The following OXR1 variants were observed in gnomAD, a reference collection of about 807,000 sequenced individuals.
The protein encoded by OXR1 is oxidation resistance 1.
Under a neutral mutation model 104.6 loss-of-function variants are expected in OXR1, and 41 were observed. The ratio of observed to expected loss-of-function variants is 0.39; its 90% CI spans 0.31 to 0.51. The LOEUF is 0.51. Ranked by LOEUF, OXR1 falls within the 20% of genes least tolerant of loss-of-function variation. The probability of loss-of-function intolerance (pLI) is 0.77; values close to 1 mark genes in which losing one functional copy is unlikely to be tolerated. For synonymous variants in OXR1, 348 were observed against 348.4 expected (o/e 1.00, Z 0.01); for missense variants, 955 against 1,031.9 (o/e 0.93, Z 1.02).
chr8:106,628,264 G>C (rs996624565), intron 3 of OXR1, among the ~76,000 whole-genome samples: 5 of 152,106 alleles, frequency 3.3e-5, no homozygotes, highest in Non-Finnish European at 7.4e-5. Flanking sequence ...AAAATATATA[G>C]AAATATTTCA....
chr8:106,478,911 A>T (rs1821951684), intron 2 of OXR1, among the ~76,000 whole-genome samples: 1 of 151,916 alleles, frequency 6.6e-6, no homozygotes, highest in Admixed American at 6.6e-5. Context: ...TTTGTTATAA[A>T]GTAGGAAATT....
At chr8:106,694,585 ATATATATTTGATATATAAATAT>A (rs1181920538) in intron 7 of OXR1, among the ~76,000 whole-genome samples, 17 of 73,990 alleles carry the variant, frequency 2.3e-4, no homozygotes, top group African/African-American at 9.7e-4. Flanking sequence ...ATAAATGTTT[ATATATATTTGATATATAAATAT>A]ATGTTTATAT....
In OXR1 at chr8:106,370,150, C is replaced by T. The variant is rs188834908; in HGVS notation, c.23+10514C>T. 4.0e-3 allele frequency among the ~76,000 whole-genome samples: 607 copies of T among 152,174 alleles called. 6 individuals are homozygous for T. Among genetic ancestry groups the T allele is most frequent in the African/African-American group, 0.013 (541 of 41,532 alleles). ...GCTGTGTTTCTAGGTATTTTATTCT[C>T]TTTGTAGTGATTGTGAATCGGAGTT... On this transcript the variant is annotated intron_variant, in intron 2 of 16. Transcript: ENST00000517566.
chr8:106,372,871 C>A (rs1214619930), intron 2 of OXR1, among the ~76,000 whole-genome samples: 1 of 152,176 alleles, frequency 6.6e-6, no homozygotes, highest in East Asian at 1.9e-4. Flanking sequence ...AAACATTTTA[C>A]CTTGCCTTTT....
chr8:106,312,473 A>G (rs1813747300), intron 1 of OXR1, among the ~76,000 whole-genome samples: 1 of 152,212 alleles, frequency 6.6e-6, no homozygotes, highest in African/African-American at 2.4e-5. Flanking sequence ...TTAATTCAGC[A>G]TACTATTAAT....
At chr8:106,652,652 AAAG>A (rs1233730895) in intron 3 of OXR1, among the ~76,000 whole-genome samples, 1 of 151,792 alleles carries the variant, frequency 6.6e-6, no homozygotes, top group African/African-American at 2.4e-5. Flanking sequence ...TATTAAAAAA[AAAG>A]AAGATTTCAA....
Position 106,669,257 on chromosome 8 carries a change from G to A in OXR1, c.221-9953G>A, listed in dbSNP as rs548969921. 2.6e-5 allele frequency among the ~76,000 whole-genome samples: 4 copies of A among 152,238 alleles called. No homozygotes were observed. In the East Asian group the frequency reaches 5.8e-4, roughly 22 times the overall value. On this transcript the variant is annotated intron_variant, in intron 3 of 16. Transcript: ENST00000517566. ...CCATTTAATTTATTCATTTTAGGGT[G>A]GGGATTGTGAACTGGGGAAGAGAAG...
At chr8:106,536,228 AAGAAAG>A (rs200173038) in intron 3 of OXR1, among the ~76,000 whole-genome samples, 7,252 of 32,602 alleles carry the variant, frequency 0.22, 197 homozygotes, top group Admixed American at 0.31. Context: ...TCAAAAAAAA[AAGAAAG>A]AAAGAAAGAA....
intron 16 of OXR1, among the ~76,000 whole-genome samples, chr8:106,747,913 T>A (rs1835527677): frequency 6.6e-6 from 1 of 152,230 alleles, no homozygotes; most frequent in Non-Finnish European, 1.5e-5. Context: ...TTAGATGCAG[T>A]CATCTGAGAT....
intron 1 of OXR1, among the ~76,000 whole-genome samples, chr8:106,349,360 G>A (rs971244415): frequency 2.0e-5 from 3 of 151,968 alleles, no homozygotes; most frequent in East Asian, 3.9e-4. Flanking sequence ...ATTTTAATAT[G>A]TTATTCAGAT....
At chr8:106,686,837 AC>A (rs1453044666) in intron 6 of OXR1, among the ~76,000 whole-genome samples, 2 of 152,184 alleles carry the variant, frequency 1.3e-5, no homozygotes, top group African/African-American at 4.8e-5. Flanking sequence ...TCCATGGAAA[AC>A]TATTTTTTCT....
At chr8:106,595,289 CG>C (rs374307521) in intron 3 of OXR1, among the ~76,000 whole-genome samples, 63 of 150,990 alleles carry the variant, frequency 4.2e-4, no homozygotes, top group African/African-American at 1.5e-3. Flanking sequence ...CGCTGGCTCA[CG>C]CCTGTAATCC....
rs185447946 is a variant in OXR1, at chr8:106,364,346, G to A, written c.23+4710G>A. 1.3e-3 allele frequency among the ~76,000 whole-genome samples: 201 copies of A among 152,226 alleles called. 3 individuals carry two copies. The highest frequency in any genetic ancestry group is 7.7e-4 in the African/African-American group (32 of 41,536). ...TGTAATCCCAGTACATTGGGAGGCC[G>A]AGGCGGGTGGATCACTTGAAGTCAG... On this transcript the variant is annotated intron_variant, in intron 2 of 16. Coordinates refer to ENST00000517566, the MANE Select transcript of OXR1 (RefSeq NM_001198533.2).
intron 3 of OXR1, among the ~76,000 whole-genome samples, chr8:106,600,289 C>T (rs774907379): frequency 5.9e-5 from 9 of 152,196 alleles, no homozygotes; most frequent in Non-Finnish European, 8.8e-5. Flanking sequence ...AATGTTGTGC[C>T]TTCCATACAA....
chr8:106,574,659 C>T (rs141229554), intron 3 of OXR1, among the ~76,000 whole-genome samples: 125 of 152,356 alleles, frequency 8.2e-4, no homozygotes, highest in African/African-American at 2.8e-3. Flanking sequence ...ATGCCCCATC[C>T]ACCAAAGCTA....
intron 3 of OXR1, among the ~76,000 whole-genome samples, chr8:106,656,830 A>G (rs1449761546): frequency 6.6e-6 from 1 of 151,920 alleles, no homozygotes; most frequent in Non-Finnish European, 1.5e-5. Context: ...TTAAAAAAAA[A>G]AAAAAAAAAA....
chr8:106,460,194 G>A (rs995554725), intron 2 of OXR1, among the ~76,000 whole-genome samples: 26 of 152,248 alleles, frequency 1.7e-4, no homozygotes, highest in African/African-American at 6.0e-4. Context: ...TGACTTCTAA[G>A]TTGACAGTTA....
At chr8:106,413,882 C>A (rs1026540193) in intron 2 of OXR1, among the ~76,000 whole-genome samples, 11 of 152,028 alleles carry the variant, frequency 7.2e-5, no homozygotes, top group Admixed American at 2.0e-4. Flanking sequence ...TGCCACCATG[C>A]CCAGCTAACT....
At chr8:106,302,835 T>C (rs1273499385) in intron 1 of OXR1, among the ~76,000 whole-genome samples, 1 of 151,750 alleles carries the variant, frequency 6.6e-6, no homozygotes, top group Non-Finnish European at 1.5e-5. Context: ...CACTGCAAGC[T>C]CCGCCTCCCA....
Sources: gnomAD v4.1 joint callset for allele counts (sites outside exome capture counted in the v4.1 genomes callset) on GRCh38, gnomAD v4.1.1 for gene constraint, MANE v1.5 for transcripts, NCBI Gene and HGNC (gene_info 2026-07-23, HGNC 2026-07-21) for gene names.